CORO2B: variants seen among roughly 807,000 people sequenced by gnomAD.
CORO2B encodes coronin-2B.
CORO2B carries 26 observed loss-of-function variants against 58.8 expected under a neutral mutation model. The ratio of observed to expected loss-of-function variants is 0.44; its 90% CI spans 0.32 to 0.61. CORO2B has a LOEUF of 0.61. Ranked by LOEUF, CORO2B falls within the 20% of genes least tolerant of loss-of-function variation. CORO2B has a pLI of 0.04. For missense variants in CORO2B, 460 were observed against 645.1 expected (o/e 0.71, Z 3.11); for synonymous variants, 242 against 253.8 (o/e 0.95, Z 0.44).
the CORO2B span, among the ~76,000 whole-genome samples, chr15:68,573,463 G>A: frequency 6.6e-6 from 1 of 152,132 alleles, no homozygotes; most frequent in Admixed American, 6.5e-5. Context: ...GCAGAGAGGT[G>A]CGCCTCTGCC....
chr15:68,551,905 C>T, the CORO2B span, among the ~76,000 whole-genome samples: 1 of 151,884 alleles, frequency 6.6e-6, no homozygotes, highest in Non-Finnish European at 1.5e-5. Context: ...ACCGATGGCC[C>T]ACCTTCCCCT....
At chr15:68,680,907 G>C (rs989970233) in intron 2 of CORO2B, among the ~76,000 whole-genome samples, 5 of 152,266 alleles carry the variant, frequency 3.3e-5, no homozygotes, top group African/African-American at 1.2e-4. Context: ...TGGGAAGAAG[G>C]GCTTAGAAAA....
intron 1 of CORO2B, 117 bp downstream of exon 1, chr15:68,579,394 C>A: frequency 2.0e-6 from 2 of 1,008,636 alleles, no homozygotes; most frequent in Non-Finnish European, 2.5e-6. Context: ...CGGGAAGGTG[C>A]GGCGCGCGCC....
At chr15:68,605,711 G>GTT (rs35340917) in intron 1 of CORO2B, among the ~76,000 whole-genome samples, 1,709 of 99,128 alleles carry the variant, frequency 0.017, 234 homozygotes, top group African/African-American at 0.042. Context: ...GGGCTCTTGG[G>GTT]TTTTTTTTTT....
At chr15:68,600,687 G>A (rs1338894652) in intron 1 of CORO2B, among the ~76,000 whole-genome samples, 2 of 152,340 alleles carry the variant, frequency 1.3e-5, no homozygotes, top group East Asian at 3.9e-4. Context: ...CCTATCTAAG[G>A]AAGAGGGAAT....
intron 1 of CORO2B, among the ~76,000 whole-genome samples, chr15:68,607,909 G>A (rs1445055052): frequency 6.6e-6 from 1 of 151,758 alleles, no homozygotes; most frequent in African/African-American, 2.4e-5. Context: ...CAGATGCCAT[G>A]TGACAAGACC....
At chr15:68,615,821 T>A (rs952373401) in intron 1 of CORO2B, among the ~76,000 whole-genome samples, 2 of 152,108 alleles carry the variant, frequency 1.3e-5, no homozygotes, top group African/African-American at 4.8e-5. Context: ...AGAAATAAAT[T>A]TATGTTGTTC....
chr15:68,632,022 AG>A, intron 1 of CORO2B: 1 of 985,458 alleles, frequency 1.0e-6, no homozygotes, highest in Non-Finnish European at 1.2e-6. Context: ...TGAGGGAGGC[AG>A]GGCTAGAGGG....
intron 2 of CORO2B, among the ~76,000 whole-genome samples, chr15:68,680,497 C>T (rs1285883652): frequency 6.6e-6 from 1 of 152,142 alleles, no homozygotes; most frequent in African/African-American, 2.4e-5. Flanking sequence ...CAAATGGTAC[C>T]CCCTTGAGTT....
At chr15:68,715,395 G>A in intron 8 of CORO2B, 84 bp downstream of exon 8, 2 of 969,396 alleles carry the variant, frequency 2.1e-6, no homozygotes, top group Non-Finnish European at 3.2e-6. Context: ...TCCCTTAAGT[G>A]GAAAATCAGA....
At chr15:68,552,889 T>C in the CORO2B span, among the ~76,000 whole-genome samples, 1 of 152,138 alleles carries the variant, frequency 6.6e-6, no homozygotes. Flanking sequence ...CCAGGACACG[T>C]AGTGGTTGCA....
chr15:68,528,334 TA>T, the CORO2B span, among the ~76,000 whole-genome samples: 2 of 152,182 alleles, frequency 1.3e-5, no homozygotes, highest in African/African-American at 4.8e-5. Context: ...AGTTTATTAG[TA>T]ATTTTAATGA....
At chr15:68,616,501 C>T in intron 1 of CORO2B, 2 of 979,710 alleles carry the variant, frequency 2.0e-6, no homozygotes, top group Non-Finnish European at 2.4e-6. Context: ...TACTGCCATG[C>T]TCCACTCCCT....
chr15:68,595,427 G>A (rs1323060106), intron 1 of CORO2B, among the ~76,000 whole-genome samples: 2 of 152,230 alleles, frequency 1.3e-5, no homozygotes, highest in Admixed American at 6.5e-5. Flanking sequence ...ACGCCTTATC[G>A]TCAGATATAG....
the CORO2B span, among the ~76,000 whole-genome samples, chr15:68,527,063 A>T: frequency 6.6e-6 from 1 of 152,230 alleles, no homozygotes; most frequent in African/African-American, 2.4e-5. Flanking sequence ...CATCTGTTTG[A>T]AAACCAAAGA....
chr15:68,582,986 G>A (rs1899466936), intron 1 of CORO2B, among the ~76,000 whole-genome samples: 3 of 152,202 alleles, frequency 2.0e-5, no homozygotes, highest in African/African-American at 7.2e-5. Flanking sequence ...GAGAGGGAGT[G>A]TGGGAAAAGA....
At chr15:68,578,588 G>A (rs992667902), upstream of CORO2B, among the ~76,000 whole-genome samples, 33 of 151,770 alleles carry the variant, frequency 2.2e-4, no homozygotes, top group Non-Finnish European at 4.1e-4. This position sits in a 1 kb window ranked among gnomAD's most constrained non-coding sequence, Gnocchi z 4.2. Context: ...CACGGCCCAC[G>A]GGCCGACTTT....
Position 68,632,488 on chromosome 15 carries a change from G to A in CORO2B, c.16-12672G>A, listed in dbSNP as rs1900869990. 11 of 950,028 alleles carry A rather than the reference G, an allele frequency of 1.2e-5. No individual in the cohort carries two copies. The South Asian group carries it at 4.8e-4, about 42-fold the overall frequency. 58.8% of individuals were successfully genotyped at this position (950,028 alleles called of 1,614,324 possible). A position where few individuals can be genotyped will look rare whatever the true frequency, so the allele number is the denominator to read the frequency against. On this transcript the variant is annotated intron_variant, in intron 1 of 11. Coordinates refer to ENST00000261861, the MANE Select transcript of CORO2B (RefSeq NM_006091.5). ...AATTCTGGCTCTTAAGATATTTTGT[G>A]GCTGCAGAATCCTATCTTGGATGTT...
intron 2 of CORO2B, among the ~76,000 whole-genome samples, chr15:68,683,063 G>A (rs902274730): frequency 9.9e-5 from 15 of 152,222 alleles, no homozygotes; most frequent in African/African-American, 3.6e-4. Flanking sequence ...TATTGAGAGG[G>A]CCCCTGGTAT....
Sources: allele counts gnomAD v4.1 joint callset (sites outside exome capture counted in the v4.1 genomes callset), GRCh38; gene constraint gnomAD v4.1.1; non-coding constraint Gnocchi (gnomAD v3.1); transcripts MANE v1.5; gene names NCBI Gene and HGNC (gene_info 2026-07-23, HGNC 2026-07-21).